CCDC160: variants seen among roughly 807,000 people sequenced by gnomAD.
CCDC160 encodes the protein coiled-coil domain containing 160.
For missense variants in CCDC160, 227 were observed against 215.6 expected, an observed-to-expected ratio of 1.05 and a Z score of -0.33; for synonymous variants, 94 against 79.4, an observed-to-expected ratio of 1.18 and a Z score of -0.98.
chrX:134,245,839 T>C, downstream of CCDC160: 1 of 806,062 alleles, frequency 1.2e-6, no homozygotes. Flanking sequence ...TATTGTATTT[T>C]CTTTGCGTAT....
At chrX:134,240,664 C>CTATT (rs2077024528) in intron 1 of CCDC160, among the ~76,000 whole-genome samples, 1 of 27,165 alleles carries the variant, frequency 3.7e-5, no homozygotes, top group African/African-American at 1.6e-4. Flanking sequence ...AAACCAAATT[C>CTATT]TTTTTTTTTT....
chrX:134,244,541 A>G (rs2047643740), intron 1 of CCDC160, among the ~76,000 whole-genome samples: 1 of 111,946 alleles, frequency 8.9e-6, no homozygotes, highest in South Asian at 3.7e-4. Flanking sequence ...TACTAGTTCT[A>G]TTTCATAGGA....
At position 134,245,647 on chromosome X, in the gene CCDC160, A is replaced by G. The variant is rs1414977257; in HGVS notation, c.847A>G (p.Asn283Asp). 2.5e-6 allele frequency: 3 copies of G among 1,210,063 alleles called. No homozygotes were observed. The East Asian group carries it at 8.9e-5, about 36-fold the overall frequency. ...CCGCGGAGAGCTCAGTGTCATCAAG[A>G]ATGAACTGAGAACTGAGAAGACCCT... The change falls in exon 2 of 2, where the codon AAT becomes GAT. Residue 283 changes from asparagine (N) to aspartate (D), a missense_variant. Physicochemically the swap from Asn to Asp is conservative, Grantham distance 23 (BLOSUM62 1). Coordinates refer to ENST00000370809, the Ensembl canonical transcript of CCDC160.
chrX:134,242,776 G>A (rs1004696668), intron 1 of CCDC160, among the ~76,000 whole-genome samples: 1 of 110,681 alleles, frequency 9.0e-6, no homozygotes, highest in South Asian at 3.9e-4. Flanking sequence ...CACTTTACTT[G>A]CCCCTGTGCT....
chrX:134,245,980 G>A (rs2077041964), downstream of CCDC160: 4 of 317,181 alleles, frequency 1.3e-5, no homozygotes, highest in Admixed American at 5.9e-5. Flanking sequence ...AAATGGAAAC[G>A]AAGCTTTGGA....
At chrX:134,239,126 A>G (rs972904595) in intron 1 of CCDC160, among the ~76,000 whole-genome samples, 5 of 112,401 alleles carry the variant, frequency 4.4e-5, no homozygotes, top group African/African-American at 1.6e-4. Context: ...ATTAGAATCA[A>G]AGCATTGTAG....
At chrX:134,244,485 T>C (rs1405600007) in intron 1 of CCDC160, among the ~76,000 whole-genome samples, 1 of 112,550 alleles carries the variant, frequency 8.9e-6, no homozygotes, top group Non-Finnish European at 1.9e-5. Flanking sequence ...TGTTTTCTTA[T>C]AGAATCACTT....
At chrX:134,240,664 CTTTTTTTTTTTTTTTTT>C (rs3045487) in intron 1 of CCDC160, among the ~76,000 whole-genome samples, 723 of 27,198 alleles carry the variant, frequency 0.027, 24 homozygotes, top group African/African-American at 0.11. Flanking sequence ...AAACCAAATT[CTTTTTTTTTTTTTTTTT>C]TTTTTTTTTT....
rs3045487 is a variant in CCDC160 at position 134,240,664 on chromosome X, C to CTTTTTTTTT, written c.-25+3348_-25+3356dup. On this transcript the variant is annotated intron_variant, in intron 1 of 1. Transcript: ENST00000370809. Reference sequence around the variant, plus strand: ...GGTCCTGAAAATTTGAAACCAAATTCTTTTTTTTTTTTTTTTTTTTTTTTT... The same window carrying CTTTTTTTTT: ...GGTCCTGAAAATTTGAAACCAAATTCTTTTTTTTTTTTTTTTTTTTTTTTTTTTTTTTTT... Among the ~76,000 whole-genome samples the CTTTTTTTTT allele has an allele frequency of 7.4e-5, 2 of 27,167 alleles. 1 individual carries two copies. Among genetic ancestry groups the CTTTTTTTTT allele is most frequent in the Non-Finnish European group, 1.3e-4 (2 of 15,751 alleles). The allele number at this position is 27,167 out of a possible 115,157, so 23.6% of individuals were successfully genotyped here.
At chrX:134,241,562 C>A (rs1264724863) in intron 1 of CCDC160, among the ~76,000 whole-genome samples, 1 of 112,270 alleles carries the variant, frequency 8.9e-6, no homozygotes. Flanking sequence ...ACACATACGC[C>A]TTAACAGTGC....
exon 2 of CCDC160, chrX:134,245,451 A>G (rs1413641331): frequency 8.5e-7 from 1 of 1,181,812 alleles, no homozygotes; most frequent in African/African-American, 1.8e-5. Context: ...CAACAAATGT[A>G]AAAAACTTAA....
chrX:134,244,778 T>C (rs368396449), exon 2 of CCDC160: 6 of 1,143,383 alleles, frequency 5.2e-6, no homozygotes, highest in Non-Finnish European at 6.9e-6. Context: ...GTTTTTCAGA[T>C]ATTGGAAGAG....
chrX:134,244,462 T>C (rs2077035945), intron 1 of CCDC160, among the ~76,000 whole-genome samples: 1 of 112,610 alleles, frequency 8.9e-6, no homozygotes, highest in Admixed American at 9.4e-5. Flanking sequence ...CAGTCTGTTT[T>C]TATGTGTACA....
At chrX:134,238,089 G>T (rs1026958793) in intron 1 of CCDC160, among the ~76,000 whole-genome samples, 12 of 111,566 alleles carry the variant, frequency 1.1e-4, no homozygotes, top group African/African-American at 3.6e-4. Flanking sequence ...GGGAGGCAAG[G>T]CCTGGGCTCC....
At chrX:134,240,122 A>G (rs935420684) in intron 1 of CCDC160, among the ~76,000 whole-genome samples, 4 of 112,109 alleles carry the variant, frequency 3.6e-5, no homozygotes, top group African/African-American at 1.3e-4. Context: ...CTAAGGAAAG[A>G]GGGTAATGAT....
chrX:134,240,411 C>A (rs1336846791), intron 1 of CCDC160, among the ~76,000 whole-genome samples: 1 of 111,592 alleles, frequency 9.0e-6, no homozygotes, highest in East Asian at 2.8e-4. Context: ...AGCCATGCCC[C>A]TTGTTGAGAG....
intron 1 of CCDC160, among the ~76,000 whole-genome samples, chrX:134,239,239 A>G (rs762498441): frequency 1.8e-5 from 2 of 112,183 alleles, no homozygotes; most frequent in Middle Eastern, 4.6e-3. Flanking sequence ...TATTTGTATA[A>G]TAAAGGTCTG....
rs1166252599 is a variant in CCDC160, at chrX:134,244,089, A to T, written c.-24-688A>T. On this transcript the variant is annotated intron_variant, in intron 1 of 1. Transcript: ENST00000370809. ...AGAGTCAGTATCTTGAGAAAAACAC[A>T]TTTGGTGGCATTAATATTTTCAATT... Among the ~76,000 whole-genome samples, 3 of 111,918 alleles carry T rather than the reference A, an allele frequency of 2.7e-5. No individual in the cohort carries two copies. The Admixed American group carries it at 2.9e-4, about 11-fold the overall frequency.
exon 2 of CCDC160, chrX:134,245,671 C>G (rs774613605): frequency 4.1e-6 from 5 of 1,206,723 alleles, no homozygotes; most frequent in Non-Finnish European, 5.6e-6. Context: ...TGAGAAGACC[C>G]TACAAGCAAG....
Sources: gnomAD v4.1 joint callset for allele counts (sites outside exome capture counted in the v4.1 genomes callset) on GRCh38, gnomAD v4.1.1 for gene constraint, MANE v1.5 for transcripts, NCBI Gene and HGNC (gene_info 2026-07-23, HGNC 2026-07-21) for gene names.